PI4K2B: variants seen among roughly 807,000 people sequenced by gnomAD.
PI4K2B encodes the protein phosphatidylinositol 4-kinase type 2 beta, also known as phosphatidylinositol 4-kinase type 2-beta.
In PI4K2B, 46 loss-of-function variants were observed where a neutral mutation model predicts 56.6. The observed-to-expected ratio is 0.81, with a 90% confidence interval of 0.64 to 1.04. PI4K2B has a LOEUF of 1.04. Among genes scored for constraint, PI4K2B ranks in the 50% least tolerant of loss-of-function variants. The pLI, the probability that PI4K2B is intolerant of heterozygous loss-of-function variation, is 0.00. For missense variants in PI4K2B, 556 were observed against 607.7 expected, an observed-to-expected ratio of 0.91 and a Z score of 0.89; for synonymous variants, 211 against 223.8, an observed-to-expected ratio of 0.94 and a Z score of 0.51.
rs369001646 is a variant in PI4K2B at position 25,256,683 on chromosome 4, C to A, written c.756+9C>A. 18 of 1,612,124 alleles carry A rather than the reference C, an allele frequency of 1.1e-5. No homozygotes were observed. Among genetic ancestry groups the A allele is most frequent in the Admixed American group, 1.0e-4 (6 of 59,740 alleles). On this transcript the variant is annotated intron_variant, in intron 4 of 9. Transcript: ENST00000264864. ...TAGGACTCCCTCCTAAGGTAAGTTT[C>A]TCTGATAAGCTGTATTTAGAGGGCA...
chr4:25,277,009 C>A lies in PI4K2B; in HGVS notation c.1273-5C>A. Reference sequence around the variant, plus strand: ...AATTGGTAAAAATCTCTCTTCTTCCCACAGATCTTAAACCTTACTCAGGCA... The same window carrying A: ...AATTGGTAAAAATCTCTCTTCTTCCAACAGATCTTAAACCTTACTCAGGCA... On this transcript the variant is annotated splice_polypyrimidine_tract_variant and splice_region_variant and intron_variant, in intron 9 of 9. Transcript: ENST00000264864. The A allele has an allele frequency of 6.5e-7, 1 of 1,538,448 alleles. No homozygotes were observed. Among genetic ancestry groups the A allele is most frequent in the Non-Finnish European group, 8.8e-7 (1 of 1,130,480 alleles).
At chr4:25,248,654 G>A (rs953099785) in intron 1 of PI4K2B, among the ~76,000 whole-genome samples, 2 of 151,174 alleles carry the variant, frequency 1.3e-5, no homozygotes, top group African/African-American at 4.9e-5. Flanking sequence ...TGTACATAAA[G>A]TTCAATAATA....
At position 25,234,142 on chromosome 4, in the gene PI4K2B, G is replaced by A. The variant is rs776792725; in HGVS notation, c.-22G>A. The A allele has an allele frequency of 7.6e-7, 1 of 1,318,190 alleles. No homozygotes were observed. 81.7% of individuals were successfully genotyped at this position (1,318,190 alleles called of 1,614,324 possible). Reference sequence around the variant, plus strand: ...CTGGCTGCTCTGATCTGGTCTCAGCGCGGAGGGAGCAGAGGGAGTCCATGG... The same window carrying A: ...CTGGCTGCTCTGATCTGGTCTCAGCACGGAGGGAGCAGAGGGAGTCCATGG... On this transcript the variant is annotated 5_prime_UTR_variant, in exon 1 of 10. Transcript: ENST00000264864.
intron 5 of PI4K2B, among the ~76,000 whole-genome samples, chr4:25,259,974 G>A (rs1282720662): frequency 6.6e-6 from 1 of 152,194 alleles, no homozygotes; most frequent in Admixed American, 6.5e-5. Context: ...CTGGCAGGCT[G>A]GGTTTTAAGG....
At chr4:25,259,596 G>A (rs905338832) in intron 5 of PI4K2B, among the ~76,000 whole-genome samples, 3 of 151,986 alleles carry the variant, frequency 2.0e-5, no homozygotes, top group Admixed American at 6.6e-5. Flanking sequence ...GAGCAATGAC[G>A]TAGACCAGGG....
intron 7 of PI4K2B, among the ~76,000 whole-genome samples, chr4:25,265,642 G>C (rs1049026860): frequency 6.6e-6 from 1 of 151,996 alleles, no homozygotes; most frequent in African/African-American, 2.4e-5. Context: ...AAATTTCTAC[G>C]TCAGCTTATT....
At chr4:25,255,019 C>T (rs771779481) in intron 2 of PI4K2B, 46 bp from the exon 3 acceptor site, 3 of 1,240,738 alleles carry the variant, frequency 2.4e-6, no homozygotes, top group Non-Finnish European at 3.5e-6. Flanking sequence ...GGATGATTAT[C>T]TATATATGTA....
Position 25,234,386 on chromosome 4 carries a change from C to G in PI4K2B, c.223C>G (p.Arg75Gly). 2 of 1,398,296 alleles carry G rather than the reference C, an allele frequency of 1.4e-6. No homozygotes were observed. The highest frequency in any genetic ancestry group is 1.9e-6 in the Non-Finnish European group (2 of 1,075,476). The allele number at this position is 1,398,296 out of a possible 1,614,324, so 86.6% of individuals were successfully genotyped here. Residue 75 changes from arginine (R) to glycine (G), a missense_variant, in exon 1 of 10, where the codon CGG (arginine) becomes GGG (glycine). Physicochemically the swap from Arg to Gly is moderately radical, Grantham distance 125. Transcript: ENST00000264864. ...PLPPGDVGVS[R>G]SSSAELDRSR... The stretch of plus-strand genomic sequence containing the variant: ...CCCGCCCGGGGACGTGGGGGTCTCC[C>G]GGAGTTCGTCCGCCGAGCTGGACCG...
chr4:25,268,625 A>T (rs771261541), intron 8 of PI4K2B, 49 bp downstream of exon 8: 1 of 1,303,628 alleles, frequency 7.7e-7, no homozygotes, highest in South Asian at 1.4e-5. Context: ...ATCTTAAAAT[A>T]GAAGAGACTG....
chr4:25,241,590 TC>T (rs1331269723), intron 1 of PI4K2B, among the ~76,000 whole-genome samples: 2 of 152,160 alleles, frequency 1.3e-5, no homozygotes, highest in Non-Finnish European at 2.9e-5. Context: ...GCCATAAACT[TC>T]CTTTGGCACC....
intron 4 of PI4K2B, among the ~76,000 whole-genome samples, chr4:25,258,810 G>C (rs1409730190): frequency 6.6e-6 from 1 of 152,068 alleles, no homozygotes; most frequent in Admixed American, 6.6e-5. Flanking sequence ...TATGCTCCTT[G>C]AAAGTCTAGG....
chr4:25,277,039 G>C lies in PI4K2B; in HGVS notation c.1298G>C (p.Arg433Thr), dbSNP rs1305249045. ...ATCTTAAACCTTACTCAGGCATTGA[G>C]AGACGGGAAGAGTCCTTTCCAGCTA... is the stretch of plus-strand genomic sequence containing the variant. ...GQILNLTQALRDGKSPFQLVQ... is the reference protein window; with the variant it reads ...GQILNLTQALTDGKSPFQLVQ... Residue 433 changes from arginine (R) to threonine (T), a missense_variant, in exon 10 of 10, where the codon AGA (arginine) becomes ACA (threonine). Transcript: ENST00000264864. The C allele has an allele frequency of 4.4e-6, 7 of 1,598,860 alleles. No individual in the cohort carries two copies. The African/African-American group carries it at 9.4e-5, about 21-fold the overall frequency.
chr4:25,273,999 A>C (rs1317867703), intron 9 of PI4K2B, among the ~76,000 whole-genome samples: 3 of 151,998 alleles, frequency 2.0e-5, no homozygotes, highest in Non-Finnish European at 4.4e-5. Flanking sequence ...CTCTGTATCT[A>C]GGAAACAGTT....
intron 1 of PI4K2B, among the ~76,000 whole-genome samples, chr4:25,237,896 AAAG>A (rs892325002): frequency 6.6e-6 from 1 of 152,222 alleles, no homozygotes; most frequent in Non-Finnish European, 1.5e-5. Context: ...CAAAAGAAAA[AAAG>A]AAAAAGCACA....
intron 7 of PI4K2B, chr4:25,268,018 C>T (rs1716728213): frequency 4.8e-6 from 1 of 210,346 alleles, no homozygotes; most frequent in South Asian, 1.7e-4. Context: ...TCCAGAAGTT[C>T]AAGGCTGCAG....
chr4:25,276,287 C>T, intron 9 of PI4K2B: 1 of 335,060 alleles, frequency 3.0e-6, no homozygotes. Flanking sequence ...TAGAAATTCC[C>T]AGAGTATCTT....
At chr4:25,256,811 G>A in intron 4 of PI4K2B, 137 bp downstream of exon 4, 1 of 776,002 alleles carries the variant, frequency 1.3e-6, no homozygotes. Context: ...TAGTAAACAG[G>A]TAATTTTAGT....
At chr4:25,264,299 G>C (rs1716586585) in intron 7 of PI4K2B, among the ~76,000 whole-genome samples, 1 of 151,980 alleles carries the variant, frequency 6.6e-6, no homozygotes, top group East Asian at 1.9e-4. Flanking sequence ...TCTTGAACCA[G>C]TTTTAGGCAC....
At chr4:25,259,853 C>T (rs1716395840) in intron 5 of PI4K2B, among the ~76,000 whole-genome samples, 2 of 152,198 alleles carry the variant, frequency 1.3e-5, no homozygotes. Flanking sequence ...GCAGGGGCTC[C>T]CCATTGTGGG....
Sources: allele counts gnomAD v4.1 joint callset (sites outside exome capture counted in the v4.1 genomes callset), GRCh38; gene constraint gnomAD v4.1.1; transcripts MANE v1.5; gene names NCBI Gene and HGNC (gene_info 2026-07-23, HGNC 2026-07-21).